The following PRKG1 variants were observed in gnomAD, a reference collection of about 807,000 sequenced individuals.
PRKG1 encodes protein kinase cGMP-dependent 1, also known as cGMP-dependent protein kinase 1.
In PRKG1, 35 loss-of-function variants were observed where a neutral mutation model predicts 88.1. The observed-to-expected ratio is 0.40, with a 90% CI of 0.30 to 0.53. The LOEUF (loss-of-function observed/expected upper bound fraction) is 0.53. PRKG1 is among the 20% of genes least tolerant of loss of function. PRKG1 has a pLI of 0.59. For missense variants in PRKG1, 540 were observed against 839.8 expected, an observed-to-expected ratio of 0.64 and a Z score of 4.41; for synonymous variants, 303 against 292.5, an observed-to-expected ratio of 1.04 and a Z score of -0.37.
rs148050180 is a variant in PRKG1, at chr10:51,101,718, T to C, written c.311+26817T>C. The stretch of plus-strand genomic sequence containing the variant: ...AGTTGGAGATCATAGTGAGAACATG[T>C]TGGAAGCTGAAAAGGATGGAAGAGA... On this transcript the variant is annotated intron_variant, in intron 1 of 17. Transcript: ENST00000373980. Among the ~76,000 whole-genome samples, 12 of 152,204 alleles carry C rather than the reference T, an allele frequency of 7.9e-5. No homozygotes were observed. In the East Asian group the frequency reaches 2.3e-3, roughly 29 times the overall value.
chr10:51,227,651 C>G (rs1310488728), intron 2 of PRKG1, among the ~76,000 whole-genome samples: 1 of 152,092 alleles, frequency 6.6e-6, no homozygotes, highest in Non-Finnish European at 1.5e-5. Flanking sequence ...TGAATTGCTC[C>G]CGGACCAGAC....
chr10:52,185,606 G>C (rs1043711441), intron 9 of PRKG1, among the ~76,000 whole-genome samples: 1 of 152,166 alleles, frequency 6.6e-6, no homozygotes, highest in African/African-American at 2.4e-5. Context: ...GCTTCAACCT[G>C]ATATTTACCC....
At chr10:51,896,506 C>T (rs1464772126) in intron 4 of PRKG1, among the ~76,000 whole-genome samples, 2 of 151,098 alleles carry the variant, frequency 1.3e-5, no homozygotes, top group East Asian at 1.9e-4. Flanking sequence ...GCCAAGTGTT[C>T]GAGACAAGCC....
chr10:51,758,747 C>T (rs553374591), intron 3 of PRKG1, among the ~76,000 whole-genome samples: 15 of 152,148 alleles, frequency 9.9e-5, no homozygotes, highest in African/African-American at 3.6e-4. Flanking sequence ...GTTACACAGG[C>T]ATACATGTGC....
At chr10:51,211,002 A>G (rs112517445) in intron 2 of PRKG1, among the ~76,000 whole-genome samples, 3,064 of 152,258 alleles carry the variant, frequency 0.02, 47 homozygotes, top group Middle Eastern at 0.051. Flanking sequence ...CCTGGCAGAG[A>G]CACAACAAAA....
chr10:52,290,264 A>G lies in PRKG1; in HGVS notation c.1936A>G (p.Thr646Ala), dbSNP rs1057524623. The G allele has an allele frequency of 1.9e-6, 3 of 1,612,650 alleles. No individual in the cohort carries two copies. The highest frequency in any genetic ancestry group is 2.5e-6 in the Non-Finnish European group (3 of 1,179,150). ...GFNWEGLRKG[T>A]LTPPIIPSVA... ...TAACTGGGAAGGCTTAAGAAAAGGT[A>G]CCTTGACACCTCCTATAATACCAAG... Residue 646 changes from threonine (T) to alanine (A), a missense_variant, in exon 17 of 18, where the codon ACC becomes GCC. Physicochemically the swap from Thr to Ala is moderately conservative, Grantham distance 58 (BLOSUM62 0). Coordinates refer to ENST00000373980, the MANE Select transcript of PRKG1 (RefSeq NM_006258.4).
intron 2 of PRKG1, among the ~76,000 whole-genome samples, chr10:51,205,131 T>TC (rs1838019100): frequency 3.5e-5 from 1 of 28,700 alleles, no homozygotes; most frequent in African/African-American, 2.3e-4. Context: ...TCTTTTCTTT[T>TC]TTTTTTTTTT....
At chr10:52,268,088 G>A (rs190531612) in intron 10 of PRKG1, among the ~76,000 whole-genome samples, 127 of 152,138 alleles carry the variant, frequency 8.3e-4, no homozygotes, top group Non-Finnish European at 1.0e-3. Flanking sequence ...TGTGAGTCTT[G>A]TAGCATTCTG....
At chr10:51,585,741 G>A (rs547865007) in intron 3 of PRKG1, among the ~76,000 whole-genome samples, 20 of 152,082 alleles carry the variant, frequency 1.3e-4, no homozygotes, top group Admixed American at 2.6e-4. Context: ...GTGGTGGATT[G>A]GATAAAGAAA....
At chr10:51,007,066 G>A (rs1842949194) in intron 1 of PRKG1, among the ~76,000 whole-genome samples, 1 of 151,608 alleles carries the variant, frequency 6.6e-6, no homozygotes, top group Non-Finnish European at 1.5e-5. Context: ...CGCCTCTGGA[G>A]TAGCTGGGAT....
At chr10:52,290,730 C>T (rs562172897) in intron 17 of PRKG1, among the ~76,000 whole-genome samples, 162 of 151,918 alleles carry the variant, frequency 1.1e-3, no homozygotes, top group Non-Finnish European at 2.0e-3. Flanking sequence ...CTGATGTGCA[C>T]CTATAGTCCT....
intron 5 of PRKG1, among the ~76,000 whole-genome samples, chr10:52,033,691 A>G (rs1404703287): frequency 6.6e-6 from 1 of 152,080 alleles, no homozygotes; most frequent in Non-Finnish European, 1.5e-5. Context: ...GGGAGGGAGG[A>G]TTATGAAAGT....
At chr10:51,461,731 T>C (rs1839750372) in intron 2 of PRKG1, among the ~76,000 whole-genome samples, 1 of 152,194 alleles carries the variant, frequency 6.6e-6, no homozygotes, top group Admixed American at 6.6e-5. Context: ...GGGTCATCCT[T>C]TTCCTTCTTA....
intron 1 of PRKG1, among the ~76,000 whole-genome samples, chr10:51,081,235 A>G (rs561378411): frequency 1.3e-5 from 2 of 152,322 alleles, no homozygotes; most frequent in African/African-American, 4.8e-5. Flanking sequence ...GTAGAGTGAG[A>G]AGAAGAAATG....
chr10:52,254,151 C>T (rs1055539013), intron 10 of PRKG1, among the ~76,000 whole-genome samples: 5 of 151,982 alleles, frequency 3.3e-5, no homozygotes, highest in African/African-American at 1.2e-4. Context: ...TTGTACATAA[C>T]ATTGTCACGG....
At chr10:52,271,304 T>C (rs1841724547) in intron 10 of PRKG1, 46 bp from the exon 11 acceptor site, 1 of 1,590,420 alleles carries the variant, frequency 6.3e-7, no homozygotes, top group East Asian at 2.2e-5. Flanking sequence ...AATGCACTCT[T>C]ACAAGTCTAT....
chr10:52,154,199 G>A (rs1027820877), intron 8 of PRKG1, among the ~76,000 whole-genome samples: 1 of 152,084 alleles, frequency 6.6e-6, no homozygotes, highest in Non-Finnish European at 1.5e-5. Flanking sequence ...TATACTTTAG[G>A]TTAAAATTAG....
At chr10:51,008,657 ATGATGTCGTCT>A (rs1489702017) in intron 1 of PRKG1, among the ~76,000 whole-genome samples, 3 of 152,132 alleles carry the variant, frequency 2.0e-5, no homozygotes, top group Non-Finnish European at 4.4e-5. Context: ...CTAATCCAAT[ATGATGTCGTCT>A]TGATTACATC....
At chr10:51,114,212 G>A (rs1406828331) in intron 1 of PRKG1, among the ~76,000 whole-genome samples, 1 of 152,102 alleles carries the variant, frequency 6.6e-6, no homozygotes, top group Non-Finnish European at 1.5e-5. Flanking sequence ...GGTTAAATAT[G>A]CAAAAGAACA....
Sources: gnomAD v4.1 joint callset for allele counts (sites outside exome capture counted in the v4.1 genomes callset) on GRCh38, gnomAD v4.1.1 for gene constraint, MANE v1.5 for transcripts, NCBI Gene and HGNC (gene_info 2026-07-23, HGNC 2026-07-21) for gene names.